The following DUOX1 variants were observed in gnomAD, a reference collection of about 807,000 sequenced individuals.
DUOX1 encodes the protein NADPH thyroid oxidase 1.
DUOX1 carries 134 observed loss-of-function variants against 181.8 expected under a neutral mutation model. That is an observed-to-expected ratio of 0.74 (90% CI 0.64 to 0.85). DUOX1 has a LOEUF of 0.85. Ranked by LOEUF, DUOX1 falls within the 40% of genes least tolerant of loss-of-function variation. The pLI is 0.00. For missense variants in DUOX1, 1,814 were observed against 2,064.4 expected, an observed-to-expected ratio of 0.88 and a Z score of 2.35; for synonymous variants, 798 against 832.5, an observed-to-expected ratio of 0.96 and a Z score of 0.71.
rs1595583281 is a variant in DUOX1, at chr15:45,144,324, C to T, written c.2136+89C>T. 26 of 1,394,630 alleles carry T rather than the reference C, an allele frequency of 1.9e-5. No individual in the cohort carries two copies. The East Asian group carries it at 6.0e-4, about 32-fold the overall frequency. The allele number at this position is 1,394,630 out of a possible 1,614,324, so 86.4% of individuals were successfully genotyped here. A position where few individuals can be genotyped will look rare whatever the true frequency, so the allele number is the denominator to read the frequency against. On this transcript the variant is annotated intron_variant, in intron 17 of 33. Transcript: ENST00000389037. ...GGGGAAGAAGCATGGGGTCAGGAGG[C>T]AGGAAATGATAGTTACTGTGCAGGA...
Position 45,164,972 on chromosome 15 carries a change from T to A in DUOX1, c.*71T>A. 1 of 1,545,804 alleles carries A rather than the reference T, an allele frequency of 6.5e-7. No individual in the cohort carries two copies. Among genetic ancestry groups the A allele is most frequent in the Middle Eastern group, 1.7e-4 (1 of 5,846 alleles). On this transcript the variant is annotated 3_prime_UTR_variant, in exon 34 of 34. Transcript: ENST00000389037. ...TGAGCCCACACCTCACCTCTGTTCT[T>A]CCTATTTCTGGCTGCCTCAGCCTTC...
Position 45,164,962 on chromosome 15 carries a change from C to A in DUOX1, c.*61C>A. On this transcript the variant is annotated 3_prime_UTR_variant, in exon 34 of 34. Coordinates refer to ENST00000389037, the MANE Select transcript of DUOX1 (RefSeq NM_175940.3). ...AGCAGAGGTTTGAGCCCACACCTCA[C>A]CTCTGTTCTTCCTATTTCTGGCTGC... 1 of 1,566,470 alleles carries A rather than the reference C, an allele frequency of 6.4e-7. No homozygotes were observed. The highest frequency in any genetic ancestry group is 8.8e-7 in the Non-Finnish European group (1 of 1,141,106).
chr15:45,151,042 G>C, intron 22 of DUOX1, 81 bp from the exon 23 acceptor site: 1 of 1,570,560 alleles, frequency 6.4e-7, no homozygotes. Context: ...TCAGCAGAAT[G>C]GGTTTGGAGG....
intron 10 of DUOX1, 112 bp downstream of exon 10, chr15:45,138,126 C>CA: frequency 1.3e-6 from 1 of 747,306 alleles, no homozygotes. Context: ...TGAAAGTGGT[C>CA]AGTAAGGCTG....
At position 45,151,934 on chromosome 15, in the gene DUOX1, C is replaced by A; in HGVS notation, c.3075C>A (p.Ser1025Arg). 1 of 1,614,084 alleles carries A rather than the reference C, an allele frequency of 6.2e-7. No homozygotes were observed. The highest frequency in any genetic ancestry group is 1.1e-5 in the South Asian group (1 of 91,082). The part of the protein sequence containing the change: ...TEAHREKFQR[S>R]CLHQTVQQFK... Reference sequence around the variant, plus strand: ...CGCACCGAGAGAAGTTCCAACGCAGCTGTCTCCACCAGACGGTGCAACAGT... The same window carrying A: ...CGCACCGAGAGAAGTTCCAACGCAGATGTCTCCACCAGACGGTGCAACAGT... The change falls in exon 24 of 34, where the codon AGC (serine) becomes AGA (arginine). Residue 1025 changes from serine (S) to arginine (R), a missense_variant. By Grantham distance (110) the Ser-to-Arg change is moderately radical (BLOSUM62 -1). This residue lies in a region of DUOX1 where 1,064 missense variants were observed against 1,152.9 expected (regional missense o/e 0.92). Coordinates refer to ENST00000389037, the MANE Select transcript of DUOX1 (RefSeq NM_175940.3).
intron 19 of DUOX1, 42 bp from the exon 20 acceptor site, chr15:45,147,862 A>G (rs1896694855): frequency 6.4e-7 from 1 of 1,570,930 alleles, no homozygotes; most frequent in Non-Finnish European, 8.8e-7. Context: ...GGGTTCAGGC[A>G]GGCAGGCGGG....
chr15:45,156,988 C>T (rs1896983669), intron 28 of DUOX1, among the ~76,000 whole-genome samples: 1 of 152,178 alleles, frequency 6.6e-6, no homozygotes, highest in African/African-American at 2.4e-5. Context: ...TAAACCAAAT[C>T]CCAAGGCTCC....
At chr15:45,153,345 G>A in intron 25 of DUOX1, 35 bp from the exon 26 acceptor site, 1 of 1,583,996 alleles carries the variant, frequency 6.3e-7, no homozygotes, top group Non-Finnish European at 8.7e-7. Flanking sequence ...ACCCTGGGCT[G>A]CCCCAAGCTC....
At chr15:45,150,605 G>C in intron 21 of DUOX1, 27 bp from the exon 22 acceptor site, 1 of 1,611,428 alleles carries the variant, frequency 6.2e-7, no homozygotes, top group Non-Finnish European at 8.5e-7. Context: ...ACCCTGAGCT[G>C]CTCCCTAGCC....
chr15:45,136,307 C>A lies in DUOX1; in HGVS notation c.865-43C>A, dbSNP rs202050517. Reference sequence around the variant, plus strand: ...GGGCTCAGACCCTTCCAGGTCCCTCCCCATCCAACTCGTGCCTCCCCTCGC... The same window carrying A: ...GGGCTCAGACCCTTCCAGGTCCCTCACCATCCAACTCGTGCCTCCCCTCGC... On this transcript the variant is annotated intron_variant, in intron 7 of 33. Coordinates refer to ENST00000389037, the MANE Select transcript of DUOX1 (RefSeq NM_175940.3). 4,724 of 1,604,854 alleles carry A rather than the reference C, an allele frequency of 2.9e-3. 12 individuals are homozygous for A. Among genetic ancestry groups the A allele is most frequent in the African/African-American group, 8.5e-3 (635 of 74,876 alleles).
At position 45,152,408 on chromosome 15, in the gene DUOX1, C is replaced by G. The variant is rs766696430; in HGVS notation, c.3316C>G (p.Arg1106Gly). ...CTCCTACATCTTGCTCACCATGTGC[C>G]GCAACCTCATCACCTTCCTGCGAGA... is the stretch of plus-strand genomic sequence containing the variant. ...MFSYILLTMC[R>G]NLITFLRETF... The change falls in exon 25 of 34, where the codon CGC becomes GGC. Residue 1106 changes from arginine (R) to glycine (G), a missense_variant. Transcript: ENST00000389037. 2 of 1,614,202 alleles carry G rather than the reference C, an allele frequency of 1.2e-6. No homozygotes were observed. Among genetic ancestry groups the G allele is most frequent in the South Asian group, 2.2e-5 (2 of 91,078 alleles).
Position 45,136,286 on chromosome 15 carries a change from T to A in DUOX1, c.865-64T>A, listed in dbSNP as rs1366177207. The A allele has an allele frequency of 5.0e-6, 8 of 1,610,192 alleles. No individual in the cohort carries two copies. In the African/African-American group the frequency reaches 1.1e-4, roughly 22 times the overall value. ...CTCCACACGGAAGCCGTCCTTGGGC[T>A]CAGACCCTTCCAGGTCCCTCCCCAT... On this transcript the variant is annotated intron_variant, in intron 7 of 33. Transcript: ENST00000389037.
In DUOX1 at chr15:45,151,972, T is replaced by C. The variant is rs772947418; in HGVS notation, c.3113T>C (p.Ile1038Thr). The C allele has an allele frequency of 1.1e-4, 179 of 1,613,896 alleles. No homozygotes were observed. The highest frequency in any genetic ancestry group is 1.4e-5 in the Non-Finnish European group (17 of 1,180,018). The change falls in exon 24 of 34, where the codon ATT becomes ACT. Residue 1038 changes from isoleucine (I) to threonine (T), a missense_variant. Transcript: ENST00000389037. ...HQTVQQFKRF[I>T]ENYRRHIGCV... ...ACGGTGCAACAGTTCAAGCGCTTCA[T>C]TGAGAACTACCGGCGCCACATCGGC...
intron 27 of DUOX1, among the ~76,000 whole-genome samples, chr15:45,154,595 G>GT (rs1193223968): frequency 0.32 from 44,976 of 139,844 alleles, 7,479 homozygotes; most frequent in Middle Eastern, 0.38. Flanking sequence ...ACACAGCATG[G>GT]TTTTTTTTTT....
chr15:45,165,227 A>G lies in DUOX1; in HGVS notation c.*326A>G. The G allele has an allele frequency of 2.6e-6, 1 of 379,046 alleles. No homozygotes were observed. The highest frequency in any genetic ancestry group is 3.4e-5 in the South Asian group (1 of 29,528). The allele number at this position is 379,046 out of a possible 1,614,324, so 23.5% of individuals were successfully genotyped here. A position where few individuals can be genotyped will look rare whatever the true frequency, so the allele number is the denominator to read the frequency against. On this transcript the variant is annotated 3_prime_UTR_variant, in exon 34 of 34. Transcript: ENST00000389037. ...AAGACAAGCTGACCTGACAAGTACT[A>G]TGTGTGTGCATGTCTGTATGTGTGT...
intron 28 of DUOX1, among the ~76,000 whole-genome samples, chr15:45,160,339 G>C (rs1304815486): frequency 3.9e-5 from 6 of 152,202 alleles, no homozygotes; most frequent in Non-Finnish European, 8.8e-5. Flanking sequence ...GAGATGCAAA[G>C]ATCCTTAAGC....
In DUOX1 at chr15:45,160,821, T is replaced by C. The variant is rs752662106; in HGVS notation, c.3703-16T>C. 6.3e-7 allele frequency: 1 copy of C among 1,591,464 alleles called. No homozygotes were observed. Among genetic ancestry groups the C allele is most frequent in the South Asian group, 1.2e-5 (1 of 85,818 alleles). ...GGGCATCGCTAGGTCTGAGCAGAGCTCTTTCCTCCATCTAGCTCATCATCC... is the reference window on the plus strand; with the variant it reads ...GGGCATCGCTAGGTCTGAGCAGAGCCCTTTCCTCCATCTAGCTCATCATCC... On this transcript the variant is annotated splice_polypyrimidine_tract_variant and intron_variant, in intron 28 of 33. Transcript: ENST00000389037.
rs1567007471 is a variant in DUOX1 at position 45,134,975 on chromosome 15, G to A, written c.308-129G>A. The A allele has an allele frequency of 7.4e-6, 8 of 1,073,932 alleles. No individual in the cohort carries two copies. The East Asian group carries it at 1.6e-4, about 21-fold the overall frequency. The allele number at this position is 1,073,932 out of a possible 1,614,324, so 66.5% of individuals were successfully genotyped here. ...CTGGGAGGGAGTGCCTAAGGTCAGG[G>A]CTTGGACTTGCCCATAATGGCTGCT... On this transcript the variant is annotated intron_variant, in intron 4 of 33. Transcript: ENST00000389037.
chr15:45,153,095 C>A, intron 25 of DUOX1: 1 of 387,438 alleles, frequency 2.6e-6, no homozygotes, highest in Non-Finnish European at 4.7e-6. Flanking sequence ...GTGGCACATG[C>A]CGGTAATCCC....
Sources: allele counts gnomAD v4.1 joint callset (sites outside exome capture counted in the v4.1 genomes callset), GRCh38; gene constraint gnomAD v4.1.1; regional missense constraint gnomAD v4.1.1; transcripts MANE v1.5; gene names NCBI Gene and HGNC (gene_info 2026-07-23, HGNC 2026-07-21).